Variants in KATNIP observed in about 807,000 individuals in gnomAD.
KATNIP encodes the protein katanin-interacting protein.
Under a neutral mutation model 174.0 loss-of-function variants are expected in KATNIP, and 126 were observed. That is an observed-to-expected ratio of 0.72 (90% CI 0.63 to 0.84). The LOEUF is 0.84. KATNIP is among the 40% of genes least tolerant of loss of function. The pLI is 0.00. For missense variants in KATNIP, 1,958 were observed against 2,109.7 expected (o/e 0.93, Z 1.41); for synonymous variants, 810 against 835.7 (o/e 0.97, Z 0.53).
At chr16:27,694,602 C>T (rs1325402871) in intron 8 of KATNIP, among the ~76,000 whole-genome samples, 1 of 151,966 alleles carries the variant, frequency 6.6e-6, no homozygotes, top group Non-Finnish European at 1.5e-5. Flanking sequence ...TTGAGACCAG[C>T]CTGGGCAACA....
Position 27,733,832 on chromosome 16 carries a change from G to T in KATNIP, c.1744-6209G>T, listed in dbSNP as rs28687774. On this transcript the variant is annotated intron_variant, in intron 14 of 27. Coordinates refer to ENST00000261588, the MANE Select transcript of KATNIP (RefSeq NM_015202.5). ...TTATACAGAGCTGCACTGAGGGGGC[G>T]CAGAGGAATCCAGACTCGCAGAATC... Among the ~76,000 whole-genome samples, 803 of 152,206 alleles carry T rather than the reference G, an allele frequency of 5.3e-3. 7 individuals are homozygous for T. Among genetic ancestry groups the T allele is most frequent in the African/African-American group, 0.019 (772 of 41,530 alleles).
intron 5 of KATNIP, chr16:27,632,473 A>G (rs960798701): frequency 5.1e-6 from 2 of 395,874 alleles, no homozygotes; most frequent in South Asian, 1.7e-5. Context: ...CATGGATCCC[A>G]TCGTCAAAAA....
intron 1 of KATNIP, among the ~76,000 whole-genome samples, chr16:27,571,460 A>G (rs2090291647): frequency 6.6e-6 from 1 of 152,158 alleles, no homozygotes; most frequent in African/African-American, 2.4e-5. Context: ...AAAAAAAAAA[A>G]AACTATGGCC....
chr16:27,693,669 G>T (rs775736025), intron 8 of KATNIP, among the ~76,000 whole-genome samples: 1 of 151,130 alleles, frequency 6.6e-6, no homozygotes, highest in Admixed American at 6.6e-5. Context: ...GATTACAGAC[G>T]TGAGCCACTG....
chr16:27,748,804 GAAAAT>G (rs776069647), intron 15 of KATNIP, among the ~76,000 whole-genome samples: 2 of 151,912 alleles, frequency 1.3e-5, no homozygotes, highest in Non-Finnish European at 1.5e-5. Flanking sequence ...TAAAAAGAAA[GAAAAT>G]AAAAGTAATG....
At chr16:27,562,878 T>A (rs961696365) in intron 1 of KATNIP, among the ~76,000 whole-genome samples, 1 of 152,242 alleles carries the variant, frequency 6.6e-6, no homozygotes, top group African/African-American at 2.4e-5. Context: ...ATATTTCGTT[T>A]CACCATCCCA....
At chr16:27,676,883 G>T (rs1317116046) in intron 6 of KATNIP, among the ~76,000 whole-genome samples, 3 of 152,120 alleles carry the variant, frequency 2.0e-5, no homozygotes, top group Admixed American at 6.6e-5. Flanking sequence ...TGTTGCCCAG[G>T]CTGGTCTTGA....
At chr16:27,703,346 A>G (rs552717818) in intron 11 of KATNIP, among the ~76,000 whole-genome samples, 5 of 152,096 alleles carry the variant, frequency 3.3e-5, no homozygotes, top group Admixed American at 6.6e-5. Flanking sequence ...CATGTTTGCA[A>G]ATGATGAAGG....
chr16:27,633,396 T>C (rs2076547975), intron 5 of KATNIP, among the ~76,000 whole-genome samples: 1 of 150,230 alleles, frequency 6.7e-6, no homozygotes, highest in Non-Finnish European at 1.5e-5. Flanking sequence ...ATTTTTGTAC[T>C]ATATTTTTTA....
chr16:27,645,125 A>G (rs776499497), intron 5 of KATNIP, among the ~76,000 whole-genome samples: 51 of 152,172 alleles, frequency 3.4e-4, no homozygotes, highest in Non-Finnish European at 6.8e-4. Flanking sequence ...CTACCAGAGG[A>G]CATGGTTGGC....
chr16:27,765,945 A>G (rs1193123134), intron 19 of KATNIP, among the ~76,000 whole-genome samples: 2 of 152,050 alleles, frequency 1.3e-5, no homozygotes, highest in South Asian at 2.1e-4. Context: ...AGCCTTTCCC[A>G]TATATTGAAT....
intron 6 of KATNIP, among the ~76,000 whole-genome samples, chr16:27,664,020 C>T (rs1384273903): frequency 6.6e-6 from 1 of 152,104 alleles, no homozygotes; most frequent in Non-Finnish European, 1.5e-5. Flanking sequence ...CTATGTTGCC[C>T]AGACTGGTCT....
chr16:27,738,698 C>T (rs528439387), intron 14 of KATNIP, among the ~76,000 whole-genome samples: 3 of 152,282 alleles, frequency 2.0e-5, no homozygotes, highest in South Asian at 4.1e-4. Flanking sequence ...AGAAATCATC[C>T]GGAGAACTTG....
intron 13 of KATNIP, among the ~76,000 whole-genome samples, chr16:27,716,115 C>T (rs747765364): frequency 9.2e-5 from 14 of 152,204 alleles, no homozygotes; most frequent in Non-Finnish European, 1.3e-4. Context: ...TATTATTCAG[C>T]CCTAAAAAGG....
intron 2 of KATNIP, among the ~76,000 whole-genome samples, chr16:27,596,747 G>A (rs2141902518): frequency 6.6e-6 from 1 of 152,346 alleles, no homozygotes; most frequent in Non-Finnish European, 1.5e-5. Context: ...AATAGGCCAG[G>A]CATGGTGGCT....
intron 2 of KATNIP, among the ~76,000 whole-genome samples, chr16:27,575,641 C>A (rs1280708491): frequency 6.6e-6 from 1 of 152,158 alleles, no homozygotes; most frequent in East Asian, 1.9e-4. Flanking sequence ...CTGGGCTGTC[C>A]CGGCCAGCTC....
chr16:27,699,466 C>A, intron 9 of KATNIP, 68 bp from the exon 10 acceptor site: 1 of 1,599,782 alleles, frequency 6.3e-7, no homozygotes, highest in Non-Finnish European at 8.5e-7. Context: ...GTGCCCTCAT[C>A]TTTCTGTGAA....
chr16:27,587,776 A>C (rs1417294640), intron 2 of KATNIP, among the ~76,000 whole-genome samples: 1 of 152,234 alleles, frequency 6.6e-6, no homozygotes, highest in Non-Finnish European at 1.5e-5. Context: ...CTTGAAGTAC[A>C]GTTTCCACTG....
chr16:27,583,037 G>C (rs1197647049), intron 2 of KATNIP, among the ~76,000 whole-genome samples: 3 of 152,158 alleles, frequency 2.0e-5, no homozygotes, highest in African/African-American at 7.2e-5. Flanking sequence ...TCTGCAGTTA[G>C]GTTGGGCACT....
Sources: allele counts gnomAD v4.1 joint callset (sites outside exome capture counted in the v4.1 genomes callset), GRCh38; gene constraint gnomAD v4.1.1; transcripts MANE v1.5; gene names NCBI Gene and HGNC (gene_info 2026-07-23, HGNC 2026-07-21).